The following PAX5 variants were observed in gnomAD, a reference collection of about 807,000 sequenced individuals.
PAX5 encodes the protein paired box 5.
PAX5 carries 9 observed loss-of-function variants against 43.7 expected under a neutral mutation model. The observed-to-expected ratio is 0.21, with a 90% CI of 0.12 to 0.36. PAX5 has a LOEUF of 0.36. Ranked by LOEUF, PAX5 falls within the 10% of genes least tolerant of loss-of-function variation. The pLI is 1.00. For synonymous variants in PAX5, 228 were observed against 214.3 expected (o/e 1.06, Z -0.56); for missense variants, 383 against 532.7 (o/e 0.72, Z 2.77).
intron 5 of PAX5, among the ~76,000 whole-genome samples, chr9:36,990,937 C>T (rs1335755118): frequency 6.6e-6 from 1 of 152,042 alleles, no homozygotes; most frequent in East Asian, 1.9e-4. Context: ...TGGTGAAATC[C>T]CATCTCTACA....
intron 6 of PAX5, among the ~76,000 whole-genome samples, chr9:36,964,514 C>T (rs1472958566): frequency 5.3e-5 from 8 of 151,182 alleles, no homozygotes; most frequent in Non-Finnish European, 1.0e-4. Flanking sequence ...ATCACTTGAA[C>T]CTAGGAGGTG....
chr9:36,931,624 G>A (rs1415030348), intron 6 of PAX5, among the ~76,000 whole-genome samples: 5 of 152,098 alleles, frequency 3.3e-5, no homozygotes, highest in African/African-American at 7.2e-5. Context: ...TGAGGTGGGC[G>A]GATCACCTGA....
intron 5 of PAX5, among the ~76,000 whole-genome samples, chr9:36,992,395 A>C (rs1837023748): frequency 6.6e-6 from 1 of 152,162 alleles, no homozygotes; most frequent in Non-Finnish European, 1.5e-5. Flanking sequence ...GTACAGAGCT[A>C]AGCTGGATGG....
chr9:36,928,266 T>C (rs1830821393), intron 6 of PAX5, among the ~76,000 whole-genome samples: 1 of 152,198 alleles, frequency 6.6e-6, no homozygotes, highest in South Asian at 2.1e-4. Context: ...TCCTCAGCCA[T>C]TCCAGACACT....
intron 2 of PAX5, among the ~76,000 whole-genome samples, chr9:37,019,780 A>T (rs746539393): frequency 1.3e-5 from 2 of 152,198 alleles, no homozygotes; most frequent in Non-Finnish European, 2.9e-5. Context: ...ACAAGATCAC[A>T]TGCCCAGAAA....
intron 8 of PAX5, chr9:36,864,271 C>A (rs937122950): frequency 1.3e-5 from 2 of 154,400 alleles, no homozygotes; most frequent in Non-Finnish European, 2.9e-5. Context: ...ACAGGCAGGA[C>A]TAAGGCCAAA....
intron 5 of PAX5, among the ~76,000 whole-genome samples, chr9:36,981,451 A>AAAAC (rs1233791116): frequency 6.6e-6 from 1 of 151,166 alleles, no homozygotes; most frequent in Non-Finnish European, 1.5e-5. Context: ...AAAAAAACAA[A>AAAAC]AAACAGGTAC....
At chr9:37,029,489 C>A (rs901836561) in intron 1 of PAX5, among the ~76,000 whole-genome samples, 2 of 152,250 alleles carry the variant, frequency 1.3e-5, no homozygotes, top group Non-Finnish European at 2.9e-5. Context: ...GTTATCTCTT[C>A]TTTGTCTGGA....
intron 6 of PAX5, among the ~76,000 whole-genome samples, chr9:36,958,404 C>T (rs907792369): frequency 6.6e-6 from 1 of 151,700 alleles, no homozygotes; most frequent in Non-Finnish European, 1.5e-5. Context: ...CATCAGGAAG[C>T]TCAGAATCAA....
chr9:36,843,104 G>A (rs1220686423), intron 9 of PAX5, among the ~76,000 whole-genome samples: 2 of 151,936 alleles, frequency 1.3e-5, no homozygotes, highest in Non-Finnish European at 2.9e-5. Flanking sequence ...GTGTGTGTGT[G>A]TGAGTGTATG....
intron 6 of PAX5, among the ~76,000 whole-genome samples, chr9:36,943,729 C>T (rs1400339812): frequency 6.6e-6 from 1 of 152,138 alleles, no homozygotes; most frequent in Non-Finnish European, 1.5e-5. Flanking sequence ...AAAGAACCTA[C>T]ACCTATAAGC....
At chr9:37,026,883 C>T (rs1036275750) in intron 1 of PAX5, among the ~76,000 whole-genome samples, 24 of 152,232 alleles carry the variant, frequency 1.6e-4, no homozygotes, top group Non-Finnish European at 2.8e-4. Flanking sequence ...GGCCAAGGCG[C>T]CCGCGGCTTC....
intron 8 of PAX5, among the ~76,000 whole-genome samples, chr9:36,848,741 C>T (rs1310374501): frequency 1.3e-5 from 2 of 152,128 alleles, no homozygotes; most frequent in African/African-American, 4.8e-5. Flanking sequence ...CTTTGTTTAG[C>T]GTCGCCTCTG....
intron 8 of PAX5, among the ~76,000 whole-genome samples, chr9:36,869,426 G>A (rs1303218740): frequency 1.3e-5 from 2 of 152,136 alleles, no homozygotes; most frequent in African/African-American, 4.8e-5. Flanking sequence ...TTCCTCCCCT[G>A]CCCTAAGGGC....
At chr9:37,016,607 G>A (rs910479493) in intron 2 of PAX5, among the ~76,000 whole-genome samples, 2 of 152,196 alleles carry the variant, frequency 1.3e-5, no homozygotes, top group Admixed American at 6.5e-5. Context: ...GACATCACCA[G>A]ACGTCTCTCT....
intron 5 of PAX5, among the ~76,000 whole-genome samples, chr9:36,983,560 A>G (rs933469756): frequency 2.0e-5 from 3 of 152,234 alleles, no homozygotes; most frequent in Non-Finnish European, 4.4e-5. Flanking sequence ...ATTTTAGGAT[A>G]GCAAAGGAAG....
intron 8 of PAX5, among the ~76,000 whole-genome samples, chr9:36,869,875 A>G (rs867059527): frequency 0.055 from 2,282 of 41,316 alleles, no homozygotes; most frequent in Middle Eastern, 0.089. Context: ...TGGATGGATA[A>G]ATGGATGGAT....
intron 6 of PAX5, among the ~76,000 whole-genome samples, chr9:36,961,830 G>A (rs534380621): frequency 1.4e-4 from 22 of 152,224 alleles, no homozygotes; most frequent in African/African-American, 5.3e-4. Flanking sequence ...ACATACACAC[G>A]TGCACGCACA....
At chr9:36,959,040 G>T (rs1833735897) in intron 6 of PAX5, among the ~76,000 whole-genome samples, 1 of 152,172 alleles carries the variant, frequency 6.6e-6, no homozygotes, top group Non-Finnish European at 1.5e-5. Flanking sequence ...CCACCCCTTT[G>T]CTGCTCAGGG....
Sources: gnomAD v4.1 joint callset for allele counts (sites outside exome capture counted in the v4.1 genomes callset) on GRCh38, gnomAD v4.1.1 for gene constraint, MANE v1.5 for transcripts, NCBI Gene and HGNC (gene_info 2026-07-23, HGNC 2026-07-21) for gene names.